The following SYN3 variants were observed in gnomAD, a reference collection of about 807,000 sequenced individuals.
The protein encoded by SYN3 is synapsin-3.
SYN3 carries 35 observed loss-of-function variants against 65.8 expected under a neutral mutation model. That is an observed-to-expected ratio of 0.53 (90% CI 0.41 to 0.70). SYN3 has a LOEUF of 0.70. Among genes scored for constraint, SYN3 ranks in the 30% least tolerant of loss-of-function variants. The pLI, the probability that SYN3 is intolerant of heterozygous loss-of-function variation, is 0.00. For synonymous variants in SYN3, 270 were observed against 292.9 expected (o/e 0.92, Z 0.80); for missense variants, 680 against 749.0 (o/e 0.91, Z 1.08).
At chr22:32,657,216 C>T (rs949097938) in intron 6 of SYN3, among the ~76,000 whole-genome samples, 20 of 152,016 alleles carry the variant, frequency 1.3e-4, no homozygotes, top group African/African-American at 1.9e-4. Context: ...CTCCACCTCC[C>T]GGGTTCACGC....
At chr22:33,035,552 G>A (rs1270749581) in intron 1 of SYN3, among the ~76,000 whole-genome samples, 1 of 152,124 alleles carries the variant, frequency 6.6e-6, no homozygotes, top group East Asian at 1.9e-4. Flanking sequence ...CGTGCCAAAT[G>A]TAACTTTAGG....
intron 6 of SYN3, among the ~76,000 whole-genome samples, chr22:32,598,765 C>G (rs2059239270): frequency 6.6e-6 from 1 of 151,974 alleles, no homozygotes; most frequent in Non-Finnish European, 1.5e-5. Context: ...GGATTCCAGC[C>G]CCGGAAACCA....
intron 3 of SYN3, among the ~76,000 whole-genome samples, chr22:32,961,561 T>C (rs73162027): frequency 0.017 from 2,626 of 152,362 alleles, 33 homozygotes; most frequent in Middle Eastern, 0.024. Flanking sequence ...TATCCATAAT[T>C]TACCATCCTG....
At chr22:32,666,429 TCA>T (rs2060291014) in intron 6 of SYN3, among the ~76,000 whole-genome samples, 1 of 152,188 alleles carries the variant, frequency 6.6e-6, no homozygotes, top group Non-Finnish European at 1.5e-5. Context: ...GTCCCCTCTC[TCA>T]CTCTGCTCTG....
intron 12 of SYN3, 153 bp from the exon 13 acceptor site, chr22:32,518,487 G>A (rs768084712): frequency 1.1e-6 from 1 of 892,094 alleles, no homozygotes; most frequent in Non-Finnish European, 1.8e-6. Context: ...CCATAAGGAA[G>A]TAATTAGGAA....
At chr22:32,727,831 ATTT>A (rs1388807629) in intron 6 of SYN3, among the ~76,000 whole-genome samples, 1 of 151,994 alleles carries the variant, frequency 6.6e-6, no homozygotes, top group African/African-American at 2.4e-5. Context: ...GGGGTTGTTC[ATTT>A]TTCTCATAAA....
At chr22:32,598,781 C>A (rs1168255388) in intron 6 of SYN3, among the ~76,000 whole-genome samples, 1 of 152,070 alleles carries the variant, frequency 6.6e-6, no homozygotes, top group Non-Finnish European at 1.5e-5. Flanking sequence ...AACCACTGCG[C>A]CCAGCCATAG....
At position 32,508,568 on chromosome 22, in the gene SYN3, T is replaced by C. The variant is rs919960094; in HGVS notation, c.*5124A>G. ...CTCCCATTCCTCTTCAGATTCAGTT[T>C]GGAAGAGGTCTTTTTGAGGTTGAAA... On this transcript the variant is annotated 3_prime_UTR_variant, in exon 14 of 14. Coordinates refer to ENST00000358763, the MANE Select transcript of SYN3 (RefSeq NM_003490.4). Among the ~76,000 whole-genome samples the C allele has an allele frequency of 1.3e-5, 2 of 152,212 alleles. No individual in the cohort carries two copies. Among genetic ancestry groups the C allele is most frequent in the African/African-American group, 4.8e-5 (2 of 41,454 alleles).
intron 6 of SYN3, among the ~76,000 whole-genome samples, chr22:32,760,650 G>T (rs1299689672): frequency 6.6e-6 from 1 of 152,124 alleles, no homozygotes; most frequent in African/African-American, 2.4e-5. Context: ...CAGTGCCCAG[G>T]CTTCTGAAAT....
chr22:32,904,077 C>T (rs1216147668), intron 4 of SYN3, among the ~76,000 whole-genome samples: 2 of 152,216 alleles, frequency 1.3e-5, no homozygotes, highest in Admixed American at 6.5e-5. Flanking sequence ...TGTAAGCAGG[C>T]CTCATTTCCT....
At chr22:32,819,793 G>C (rs539595503) in intron 6 of SYN3, among the ~76,000 whole-genome samples, 3 of 152,206 alleles carry the variant, frequency 2.0e-5, no homozygotes, top group Non-Finnish European at 4.4e-5. Context: ...CATCCATAGA[G>C]TATATTAACT....
At chr22:32,749,927 T>C (rs915293664) in intron 6 of SYN3, among the ~76,000 whole-genome samples, 2 of 152,218 alleles carry the variant, frequency 1.3e-5, no homozygotes, top group Non-Finnish European at 2.9e-5. Context: ...GAGAGTCTGA[T>C]GCCTTCCCTA....
At chr22:32,677,129 C>G (rs906390436) in intron 6 of SYN3, among the ~76,000 whole-genome samples, 1 of 152,132 alleles carries the variant, frequency 6.6e-6, no homozygotes, top group Non-Finnish European at 1.5e-5. Flanking sequence ...AGATGGATAA[C>G]GCTGTTCCTA....
At chr22:32,535,237 C>G (rs1157332483) in intron 9 of SYN3, among the ~76,000 whole-genome samples, 2 of 152,192 alleles carry the variant, frequency 1.3e-5, no homozygotes, top group Non-Finnish European at 2.9e-5. Context: ...TCTCACTCAG[C>G]ATGGGAGACC....
intron 6 of SYN3, among the ~76,000 whole-genome samples, chr22:32,657,041 G>T (rs1430043769): frequency 2.0e-5 from 3 of 152,134 alleles, no homozygotes; most frequent in African/African-American, 4.8e-5. Flanking sequence ...TCCCCTCCCA[G>T]GCATCCCCCT....
chr22:32,933,464 T>C (rs796082825), intron 3 of SYN3, among the ~76,000 whole-genome samples: 3 of 152,294 alleles, frequency 2.0e-5, no homozygotes, highest in African/African-American at 7.2e-5. Flanking sequence ...AGTTTCACTC[T>C]TTCACCCAGG....
At chr22:32,738,620 T>C (rs1028080503) in intron 6 of SYN3, among the ~76,000 whole-genome samples, 1 of 152,030 alleles carries the variant, frequency 6.6e-6, no homozygotes, top group Non-Finnish European at 1.5e-5. Flanking sequence ...CAGGCAGGGG[T>C]AGGTTTTGGT....
chr22:32,611,125 C>T (rs1354365801), intron 6 of SYN3, among the ~76,000 whole-genome samples: 2 of 152,142 alleles, frequency 1.3e-5, no homozygotes, highest in East Asian at 3.8e-4. Context: ...AACTGGGCAG[C>T]TCATGAATTT....
chr22:32,709,144 T>C (rs1201895663), intron 6 of SYN3, among the ~76,000 whole-genome samples: 2 of 152,226 alleles, frequency 1.3e-5, no homozygotes, highest in Non-Finnish European at 2.9e-5. Context: ...GGCTTTGTTC[T>C]GTGCCCGGGG....
Sources: allele counts gnomAD v4.1 joint callset (sites outside exome capture counted in the v4.1 genomes callset), GRCh38; gene constraint gnomAD v4.1.1; transcripts MANE v1.5; gene names NCBI Gene and HGNC (gene_info 2026-07-23, HGNC 2026-07-21).